Variants in GSTA4 observed in about 807,000 individuals in gnomAD.
GSTA4 encodes the protein glutathione S-transferase alpha 4, also known as glutathione S-transferase A4.
A neutral mutation model predicts 24.4 loss-of-function variants in GSTA4; 15 were observed. The observed-to-expected ratio is 0.61, with a 90% CI of 0.41 to 0.95. The LOEUF (loss-of-function observed/expected upper bound fraction) is 0.95. GSTA4 is among the 40% of genes least tolerant of loss of function. The probability of loss-of-function intolerance (pLI) is 0.00; values close to 1 mark genes in which losing one functional copy is unlikely to be tolerated. For missense variants in GSTA4, 244 were observed against 262.1 expected (o/e 0.93, Z 0.48); for synonymous variants, 92 against 94.2 (o/e 0.98, Z 0.13).
intron 6 of GSTA4, among the ~76,000 whole-genome samples, chr6:52,981,815 T>C (rs993263021): frequency 6.6e-6 from 1 of 151,718 alleles, no homozygotes; most frequent in African/African-American, 2.4e-5. Flanking sequence ...TTGAAGTCAT[T>C]AAATGAGTTT....
intron 2 of GSTA4, among the ~76,000 whole-genome samples, chr6:52,991,421 C>T (rs1204658034): frequency 3.3e-5 from 5 of 152,054 alleles, no homozygotes; most frequent in Non-Finnish European, 7.3e-5. Context: ...TCACTGAAAA[C>T]GAGACAACCC....
intron 2 of GSTA4, among the ~76,000 whole-genome samples, chr6:52,990,466 C>A (rs1188698610): frequency 6.6e-6 from 1 of 152,198 alleles, no homozygotes; most frequent in East Asian, 1.9e-4. Flanking sequence ...GGAGAGAGAC[C>A]AATCTAGCTT....
At chr6:52,981,932 GA>G (rs1419740172) in intron 6 of GSTA4, among the ~76,000 whole-genome samples, 3 of 152,326 alleles carry the variant, frequency 2.0e-5, no homozygotes, top group African/African-American at 7.2e-5. Flanking sequence ...TTCTCAGAAG[GA>G]GAATGGTAGG....
intron 6 of GSTA4, among the ~76,000 whole-genome samples, chr6:52,982,159 C>A (rs1451635573): frequency 1.3e-5 from 2 of 152,116 alleles, no homozygotes; most frequent in African/African-American, 4.8e-5. Context: ...TATGGAAAGT[C>A]CCCTGAGGCA....
intron 2 of GSTA4, among the ~76,000 whole-genome samples, chr6:52,992,050 G>A (rs45617642): frequency 3.4e-5 from 5 of 145,674 alleles, no homozygotes; most frequent in East Asian, 1.9e-4. Flanking sequence ...CCACCGTGCC[G>A]GCTGGTTAAT....
chr6:52,980,143 T>C (rs897142061), intron 6 of GSTA4, among the ~76,000 whole-genome samples: 3 of 152,164 alleles, frequency 2.0e-5, no homozygotes, highest in African/African-American at 7.2e-5. Flanking sequence ...AAAATACCAA[T>C]AGGTCCTGGT....
rs774850093 is a variant in GSTA4, at chr6:52,984,501, T to C, written c.377A>G (p.Gln126Arg). Residue 126 changes from glutamine to arginine, a missense_variant, in exon 5 of 7, where the codon CAG (glutamine) becomes CGG (arginine). Transcript: ENST00000370963. ...DQQKEVVNMA[Q>R]KAIIRYFPVF... is the part of the protein sequence containing the mutation. ...AGGAAAGTATCTAATTATAGCCTTC[T>C]GGGCCATGTTAACCACTTCCTTTTG... The C allele has an allele frequency of 6.2e-7, 1 of 1,614,008 alleles. No homozygotes were observed. The highest frequency in any genetic ancestry group is 1.7e-5 in the Admixed American group (1 of 60,008).
chr6:52,988,298 G>A (rs1488975175), intron 2 of GSTA4, among the ~76,000 whole-genome samples: 17 of 149,654 alleles, frequency 1.1e-4, no homozygotes, highest in Admixed American at 3.3e-4. Flanking sequence ...AAAAAAAAAG[G>A]TAGGAGGAAG....
intron 1 of GSTA4, chr6:52,994,523 T>C (rs1763728755): frequency 2.5e-6 from 1 of 396,810 alleles, no homozygotes; most frequent in South Asian, 3.6e-5. Context: ...TGTAAAAACA[T>C]ATGTGCTAGC....
intron 6 of GSTA4, among the ~76,000 whole-genome samples, chr6:52,980,913 G>C (rs893152566): frequency 2.1e-4 from 32 of 152,216 alleles, no homozygotes; most frequent in Admixed American, 2.0e-3. Context: ...ATGCATGTAA[G>C]TGCCTAGCAG....
At chr6:52,994,105 A>G (rs1763715018) in intron 2 of GSTA4, 52 bp downstream of exon 2, 1 of 1,191,080 alleles carries the variant, frequency 8.4e-7, no homozygotes, top group Admixed American at 1.7e-5. Context: ...TTTTCTTTCA[A>G]AGGTCTCAAA....
At chr6:52,990,433 T>A (rs1463711000) in intron 2 of GSTA4, among the ~76,000 whole-genome samples, 1 of 152,186 alleles carries the variant, frequency 6.6e-6, no homozygotes, top group Non-Finnish European at 1.5e-5. Context: ...CCCCACCACC[T>A]TGTAAACCAT....
At chr6:52,983,683 T>A (rs1426275156) in intron 5 of GSTA4, among the ~76,000 whole-genome samples, 1 of 152,222 alleles carries the variant, frequency 6.6e-6, no homozygotes, top group African/African-American at 2.4e-5. Flanking sequence ...GACCTAAGAA[T>A]GAGCAGTGAA....
rs375845535 is a variant in GSTA4 at position 52,978,494 on chromosome 6, G to C, written c.645C>G (p.Thr215=). 1 of 1,613,380 alleles carries C rather than the reference G, an allele frequency of 6.2e-7. No homozygotes were observed. Among genetic ancestry groups the C allele is most frequent in the Non-Finnish European group, 8.5e-7 (1 of 1,179,614 alleles). Residue 215 remains threonine, a synonymous_variant, in exon 7 of 7, where the codon ACC becomes ACG. Transcript: ENST00000370963. The part of the protein sequence containing the change: ...KPPPDEIYVR[T]VYNIFRP ...TTTATGGCCTAAAGATGTTGTAGAC[G>C]GTTCTCACATAAATTTCATCAGGGG...
intron 3 of GSTA4, among the ~76,000 whole-genome samples, chr6:52,985,858 C>T (rs1763543533): frequency 6.6e-6 from 1 of 152,086 alleles, no homozygotes; most frequent in African/African-American, 2.4e-5. Flanking sequence ...CAAGACCAGC[C>T]TGGCCAACAT....
At chr6:52,993,697 C>G (rs897022063) in intron 2 of GSTA4, among the ~76,000 whole-genome samples, 1 of 152,138 alleles carries the variant, frequency 6.6e-6, no homozygotes, top group African/African-American at 2.4e-5. Flanking sequence ...GCAATGTTCT[C>G]TCTACATTTA....
At chr6:52,993,900 C>T (rs1415648698) in intron 2 of GSTA4, 2 of 527,360 alleles carry the variant, frequency 3.8e-6, no homozygotes, top group Non-Finnish European at 7.0e-6. Context: ...AATTTCCTTT[C>T]TTCTTATTAA....
intron 3 of GSTA4, among the ~76,000 whole-genome samples, chr6:52,986,863 C>T (rs1272050270): frequency 2.0e-5 from 3 of 152,000 alleles, no homozygotes; most frequent in Non-Finnish European, 4.4e-5. Context: ...AATGGATGGG[C>T]AAGGAGGGAG....
chr6:52,994,287 C>T (rs376444374), intron 1 of GSTA4, 26 bp from the exon 2 acceptor site: 8 of 1,287,742 alleles, frequency 6.2e-6, no homozygotes, highest in Non-Finnish European at 7.9e-6. Context: ...AGCAGCTCGT[C>T]GCAGACCAAC....
Sources: gnomAD v4.1 joint callset for allele counts (sites outside exome capture counted in the v4.1 genomes callset) on GRCh38, gnomAD v4.1.1 for gene constraint, MANE v1.5 for transcripts, NCBI Gene and HGNC (gene_info 2026-07-23, HGNC 2026-07-21) for gene names.